Variants in ANO3 observed in about 807,000 individuals in gnomAD.
ANO3 encodes anoctamin-3.
Under a neutral mutation model 144.8 loss-of-function variants are expected in ANO3, and 99 were observed. That is an observed-to-expected ratio of 0.68 (90% CI 0.58 to 0.81). The LOEUF is 0.81. Among genes scored for constraint, ANO3 ranks in the 30% least tolerant of loss-of-function variants. ANO3 has a pLI of 0.00. For missense variants in ANO3, 905 were observed against 1,202.2 expected (o/e 0.75, Z 3.66); for synonymous variants, 414 against 392.6 (o/e 1.05, Z -0.64).
intron 9 of ANO3, among the ~76,000 whole-genome samples, chr11:26,536,178 G>T (rs1590481790): frequency 6.6e-6 from 1 of 151,836 alleles, no homozygotes; most frequent in East Asian, 2.0e-4. Context: ...AATTAGCCAG[G>T]CACAATGGTG....
At chr11:26,373,387 T>G (rs1856316631) in intron 1 of ANO3, among the ~76,000 whole-genome samples, 1 of 152,168 alleles carries the variant, frequency 6.6e-6, no homozygotes, top group Non-Finnish European at 1.5e-5. Context: ...TTCACACTTC[T>G]CCCTCCTGCC....
chr11:26,236,831 A>AC (rs1564929053), intron 1 of ANO3, among the ~76,000 whole-genome samples: 1 of 151,802 alleles, frequency 6.6e-6, no homozygotes, highest in African/African-American at 2.4e-5. Flanking sequence ...AAAAAAAAAA[A>AC]AAAAAAGAAT....
intron 1 of ANO3, among the ~76,000 whole-genome samples, chr11:26,373,298 C>T (rs569588222): frequency 1.4e-4 from 21 of 152,178 alleles, no homozygotes; most frequent in African/African-American, 4.8e-4. Context: ...GGGGACGGTT[C>T]CCCCATGCTG....
intron 3 of ANO3, among the ~76,000 whole-genome samples, chr11:26,449,218 T>TTC (rs1858822849): frequency 6.6e-6 from 1 of 152,186 alleles, no homozygotes; most frequent in African/African-American, 2.4e-5. Context: ...ATAAGCTAGG[T>TTC]TCACATCAGA....
chr11:26,553,859 C>T (rs944585457), intron 13 of ANO3, among the ~76,000 whole-genome samples: 3 of 151,994 alleles, frequency 2.0e-5, no homozygotes, highest in African/African-American at 4.8e-5. Context: ...TTCAAATTTT[C>T]CTGGGTGATT....
intron 3 of ANO3, 32 bp downstream of exon 3, chr11:26,443,868 T>G: frequency 6.9e-7 from 1 of 1,450,714 alleles, no homozygotes; most frequent in South Asian, 1.2e-5. Context: ...ACCTACTCCT[T>G]TCCCTCTCTC....
chr11:26,443,698 C>T, intron 2 of ANO3, 67 bp from the exon 3 acceptor site: 6 of 873,390 alleles, frequency 6.9e-6, no homozygotes, highest in Middle Eastern at 2.9e-4. Context: ...CCATCTATAA[C>T]CATGGTTATT....
At chr11:26,565,717 A>C in intron 14 of ANO3, 1 of 1,605,934 alleles carries the variant, frequency 6.2e-7, no homozygotes, top group Admixed American at 1.7e-5. Context: ...CTTTCCAAAG[A>C]AATAGGTTTA....
chr11:26,534,625 T>A lies in ANO3; in HGVS notation c.976+63T>A. ...TTACTATTTATACCCAGAATTATTG[T>A]TTTTTTTAACAGCTGTAGCTTTGCT... On this transcript the variant is annotated intron_variant, in intron 9 of 26. Coordinates refer to ENST00000256737, the MANE Select transcript of ANO3 (RefSeq NM_031418.4). 3.4e-6 allele frequency: 4 copies of A among 1,167,526 alleles called. No homozygotes were observed. The South Asian group carries it at 5.2e-5, about 15-fold the overall frequency. 72.3% of individuals were successfully genotyped at this position (1,167,526 alleles called of 1,614,324 possible). A position where few individuals can be genotyped will look rare whatever the true frequency, so the allele number is the denominator to read the frequency against.
At chr11:26,599,475 T>C in intron 16 of ANO3, 75 bp from the exon 17 acceptor site, 2 of 1,440,056 alleles carry the variant, frequency 1.4e-6, no homozygotes, top group Non-Finnish European at 1.9e-6. Flanking sequence ...GGACAGTAGA[T>C]TTGATCTACG....
intron 1 of ANO3, among the ~76,000 whole-genome samples, chr11:26,261,503 C>A (rs944698819): frequency 3.3e-5 from 5 of 152,144 alleles, no homozygotes; most frequent in African/African-American, 9.7e-5. Flanking sequence ...TTTCCTTGTT[C>A]TTCCCACTGT....
intron 3 of ANO3, among the ~76,000 whole-genome samples, chr11:26,453,653 C>T (rs1055615643): frequency 3.2e-4 from 48 of 152,078 alleles, no homozygotes; most frequent in Non-Finnish European, 6.0e-4. Context: ...ACCCCACTGT[C>T]AACATTAGAC....
chr11:26,643,021 T>C (rs1380082478), intron 22 of ANO3, among the ~76,000 whole-genome samples, 161 bp from the exon 23 acceptor site: 1 of 152,204 alleles, frequency 6.6e-6, no homozygotes, highest in Non-Finnish European at 1.5e-5. Flanking sequence ...CTTTAGCAAG[T>C]TTAATTAACA....
intron 1 of ANO3, among the ~76,000 whole-genome samples, chr11:26,438,592 CA>C (rs1227963923): frequency 0.016 from 1,100 of 70,326 alleles, 11 homozygotes; most frequent in Non-Finnish European, 0.023. Flanking sequence ...ACTAAAAATA[CA>C]AAAAAAAAAA....
At chr11:26,446,472 G>A (rs938503136) in intron 3 of ANO3, among the ~76,000 whole-genome samples, 5 of 152,144 alleles carry the variant, frequency 3.3e-5, no homozygotes, top group African/African-American at 1.2e-4. Flanking sequence ...TGTGGTCAGT[G>A]TTTCATTGAG....
intron 1 of ANO3, among the ~76,000 whole-genome samples, chr11:26,405,089 C>T (rs1352419558): frequency 1.3e-5 from 2 of 151,426 alleles, no homozygotes; most frequent in African/African-American, 4.8e-5. Flanking sequence ...TCACAATAGC[C>T]ATTTAAAAAA....
intron 1 of ANO3, among the ~76,000 whole-genome samples, chr11:26,363,304 G>T (rs538272433): frequency 6.6e-6 from 1 of 152,240 alleles, no homozygotes; most frequent in Non-Finnish European, 1.5e-5. Flanking sequence ...TCAGGGTTCT[G>T]GTTAGAGATG....
intron 1 of ANO3, among the ~76,000 whole-genome samples, chr11:26,301,735 C>T (rs1854237640): frequency 1.3e-5 from 2 of 152,116 alleles, no homozygotes; most frequent in Admixed American, 1.3e-4. Context: ...CCCTTAAATG[C>T]CTTCTATGAT....
intron 1 of ANO3, among the ~76,000 whole-genome samples, chr11:26,229,401 T>G (rs570525317): frequency 6.6e-6 from 1 of 152,236 alleles, no homozygotes; most frequent in Admixed American, 6.5e-5. Context: ...TCAAGTCATA[T>G]ACTTCAGCAA....
Sources: allele counts gnomAD v4.1 joint callset (sites outside exome capture counted in the v4.1 genomes callset), GRCh38; gene constraint gnomAD v4.1.1; transcripts MANE v1.5; gene names NCBI Gene and HGNC (gene_info 2026-07-23, HGNC 2026-07-21).